The following ACOT9 variants were observed in gnomAD, a reference collection of about 807,000 sequenced individuals.
ACOT9 encodes acyl-coenzyme A thioesterase 9, mitochondrial.
ACOT9 carries 34 observed loss-of-function variants against 39.7 expected under a neutral mutation model. The ratio of observed to expected loss-of-function variants is 0.86; its 90% CI spans 0.65 to 1.14. ACOT9 has a LOEUF of 1.14. Among genes scored for constraint, ACOT9 ranks in the 50% most tolerant of loss-of-function variants. ACOT9 has a pLI of 0.00. For missense variants in ACOT9, 313 were observed against 344.1 expected, an observed-to-expected ratio of 0.91 and a Z score of 0.71; for synonymous variants, 110 against 120.5, an observed-to-expected ratio of 0.91 and a Z score of 0.57.
intron 6 of ACOT9, among the ~76,000 whole-genome samples, chrX:23,723,080 G>C (rs1929376296): frequency 9.0e-6 from 1 of 111,317 alleles, no homozygotes; most frequent in Non-Finnish European, 1.9e-5. Context: ...GAGTCTGACA[G>C]TATCAAACAT....
intron 1 of ACOT9, among the ~76,000 whole-genome samples, chrX:23,736,607 C>T (rs1304825728): frequency 1.8e-5 from 2 of 110,540 alleles, no homozygotes; most frequent in African/African-American, 3.3e-5. Context: ...CAGGTTGAGC[C>T]CAGGAGTTCA....
rs1400208304 is a variant in ACOT9, at chrX:23,705,043, T to C, written c.1057A>G (p.Met353Val). ...CCAACCTCAACAGGTTTCTGAAACA[T>C]GATGTCATCTACTGCTACCACAAAC... ...RPFVVAVDDIMFQKPVEVGSL... is the reference protein window; with the variant it reads ...RPFVVAVDDIVFQKPVEVGSL... Residue 353 changes from methionine (M) to valine (V), a missense_variant, in exon 14 of 16, where the codon ATG becomes GTG. Physicochemically the swap from Met to Val is conservative, Grantham distance 21. Transcript: ENST00000379303. The C allele has an allele frequency of 8.3e-7, 1 of 1,209,965 alleles. No individual in the cohort carries two copies. The highest frequency in any genetic ancestry group is 1.7e-5 in the African/African-American group (1 of 57,254).
intron 6 of ACOT9, among the ~76,000 whole-genome samples, chrX:23,729,517 T>C (rs1258400717): frequency 1.8e-5 from 2 of 112,449 alleles, no homozygotes; most frequent in Admixed American, 9.4e-5. Context: ...TTATGGTTGT[T>C]TTGTAGTTAT....
intron 6 of ACOT9, among the ~76,000 whole-genome samples, chrX:23,725,898 CAA>C (rs1278177246): frequency 1.9e-5 from 2 of 107,351 alleles, no homozygotes; most frequent in Non-Finnish European, 3.9e-5. Context: ...TTAATATGAA[CAA>C]ATTATAAAAT....
At chrX:23,707,968 A>G (rs776996498) in intron 9 of ACOT9, 24 bp from the exon 10 acceptor site, 2 of 1,118,789 alleles carry the variant, frequency 1.8e-6, no homozygotes, top group Non-Finnish European at 2.4e-6. Context: ...AAAAAAGAAT[A>G]TAATTTAAGA....
chrX:23,734,283 T>G, intron 3 of ACOT9, 58 bp downstream of exon 3: 1 of 1,062,174 alleles, frequency 9.4e-7, no homozygotes, highest in Middle Eastern at 2.5e-4. Flanking sequence ...AAGCGTATAT[T>G]AGTGCTTACA....
chrX:23,737,261 C>T (rs2146858566), intron 1 of ACOT9, among the ~76,000 whole-genome samples: 1 of 110,447 alleles, frequency 9.1e-6, no homozygotes, highest in African/African-American at 3.3e-5. Context: ...TGCAGTGAGC[C>T]GAGAACACAC....
At chrX:23,713,561 GAA>G (rs374772003) in intron 8 of ACOT9, among the ~76,000 whole-genome samples, 2 of 75,779 alleles carry the variant, frequency 2.6e-5, no homozygotes, top group South Asian at 6.0e-4. Flanking sequence ...AAAAAAAAAA[GAA>G]AAAAAAAAAA....
intron 4 of ACOT9, among the ~76,000 whole-genome samples, chrX:23,731,283 C>T (rs1221706296): frequency 9.0e-6 from 1 of 111,393 alleles, no homozygotes; most frequent in Admixed American, 9.6e-5. Flanking sequence ...CAAGACCAGC[C>T]TGGCCAACAT....
chrX:23,733,741 G>A (rs921617141), intron 3 of ACOT9, among the ~76,000 whole-genome samples: 2 of 91,271 alleles, frequency 2.2e-5, no homozygotes, highest in African/African-American at 1.1e-4. Context: ...CACCACACCC[G>A]GCTAATTTTT....
chrX:23,737,174 G>T (rs1929972176), intron 1 of ACOT9, among the ~76,000 whole-genome samples: 3 of 110,902 alleles, frequency 2.7e-5, no homozygotes, highest in Non-Finnish European at 1.9e-5. Context: ...TTAGCCGGGT[G>T]TGGTGGCAGG....
intron 1 of ACOT9, among the ~76,000 whole-genome samples, chrX:23,736,255 T>C (rs1929947238): frequency 8.9e-6 from 1 of 112,181 alleles, no homozygotes; most frequent in Non-Finnish European, 1.9e-5. Context: ...ATCTACAAAA[T>C]AAATAAAAGA....
intron 6 of ACOT9, among the ~76,000 whole-genome samples, chrX:23,725,871 A>G (rs1929502348): frequency 9.1e-6 from 1 of 109,883 alleles, no homozygotes; most frequent in Non-Finnish European, 1.9e-5. Flanking sequence ...TAAATTTTAA[A>G]ATGCCTTAAA....
intron 6 of ACOT9, among the ~76,000 whole-genome samples, chrX:23,726,421 G>A (rs1948952827): frequency 9.1e-6 from 1 of 110,049 alleles, no homozygotes; most frequent in Admixed American, 9.8e-5. Context: ...AAAGGGGTCA[G>A]GTCAGCCCTG....
chrX:23,709,708 C>A (rs1241315843), intron 9 of ACOT9, among the ~76,000 whole-genome samples: 1 of 112,131 alleles, frequency 8.9e-6, no homozygotes, highest in East Asian at 2.8e-4. Context: ...CCACAGGCCA[C>A]TGGACTCTGT....
intron 1 of ACOT9, among the ~76,000 whole-genome samples, chrX:23,741,429 G>C (rs1920963234): frequency 9.1e-6 from 1 of 110,135 alleles, no homozygotes; most frequent in African/African-American, 3.3e-5. Context: ...CTCAGCCCTG[G>C]GTCCCAAGCT....
intron 8 of ACOT9, among the ~76,000 whole-genome samples, chrX:23,714,621 T>C (rs2146825424): frequency 9.0e-6 from 1 of 111,111 alleles, no homozygotes; most frequent in African/African-American, 3.3e-5. Context: ...GGTTTTAAGA[T>C]GTTTCTTTTT....
intron 4 of ACOT9, among the ~76,000 whole-genome samples, chrX:23,731,200 G>C (rs1250992225): frequency 8.9e-6 from 1 of 112,208 alleles, no homozygotes; most frequent in Non-Finnish European, 1.9e-5. Flanking sequence ...TTAAGGCCAG[G>C]TGCAGTGTCT....
chrX:23,741,366 AG>A lies in ACOT9; in HGVS notation c.20+1758del, dbSNP rs201877002. On this transcript the variant is annotated intron_variant, in intron 1 of 15. Transcript: ENST00000379303. Reference sequence around the variant, plus strand: ...AGTATTTCAAAGAGAAAAAAAAAAAAGAAAACTCAAGGCCTCCATGGCCTAC... The same window carrying A: ...AGTATTTCAAAGAGAAAAAAAAAAAAAAAACTCAAGGCCTCCATGGCCTAC... 3.9e-3 allele frequency among the ~76,000 whole-genome samples: 416 copies of A among 106,808 alleles called. 4 individuals are homozygous for A. The highest frequency in any genetic ancestry group is 0.013 in the African/African-American group (390 of 29,119). The allele number at this position is 106,808 out of a possible 115,157, so 92.7% of individuals were successfully genotyped here.
Sources: gnomAD v4.1 joint callset for allele counts (sites outside exome capture counted in the v4.1 genomes callset) on GRCh38, gnomAD v4.1.1 for gene constraint, MANE v1.5 for transcripts, NCBI Gene and HGNC (gene_info 2026-07-23, HGNC 2026-07-21) for gene names.